CD82: variants seen among roughly 807,000 people sequenced by gnomAD.
CD82 encodes CD82 molecule.
CD82 carries 36 observed loss-of-function variants against 37.4 expected under a neutral mutation model. The ratio of observed to expected loss-of-function variants is 0.96; its 90% CI spans 0.74 to 1.27. CD82 has a LOEUF of 1.27. CD82 is among the 50% of genes most tolerant of loss of function. The pLI, the probability that CD82 is intolerant of heterozygous loss-of-function variation, is 0.00. For missense variants in CD82, 340 were observed against 347.0 expected (o/e 0.98, Z 0.16); for synonymous variants, 158 against 137.4 (o/e 1.15, Z -1.05).
chr11:44,617,118 A>AC (rs1278352778), intron 7 of CD82, among the ~76,000 whole-genome samples: 1 of 152,032 alleles, frequency 6.6e-6, no homozygotes, highest in Non-Finnish European at 1.5e-5. Context: ...CCAGGAACTG[A>AC]CCCCTGCTGT....
chr11:44,610,846 T>C (rs1467024639), intron 6 of CD82, among the ~76,000 whole-genome samples: 1 of 152,152 alleles, frequency 6.6e-6, no homozygotes, highest in Non-Finnish European at 1.5e-5. Context: ...TTTTTTCTTT[T>C]CTTTTTGAGA....
chr11:44,619,290 C>T lies in CD82; in HGVS notation c.*164C>T, dbSNP rs1480601311. ...TCTGGGGCCTAGCGATCTCTCCTGG[C>T]CTATCCGCTGCCAGCCTTGAGCCCT... On this transcript the variant is annotated 3_prime_UTR_variant, in exon 10 of 10. Transcript: ENST00000227155. 4.9e-6 allele frequency: 3 copies of T among 612,992 alleles called. No individual in the cohort carries two copies. Among genetic ancestry groups the T allele is most frequent in the South Asian group, 3.8e-5 (2 of 52,632 alleles). The allele number at this position is 612,992 out of a possible 1,614,324, so 38.0% of individuals were successfully genotyped here.
intron 6 of CD82, 31 bp downstream of exon 6, chr11:44,605,460 G>A: frequency 1.3e-6 from 2 of 1,598,434 alleles, no homozygotes; most frequent in Non-Finnish European, 1.7e-6. Context: ...CTCTTCACTG[G>A]GCTGGACCAA....
chr11:44,571,690 T>C (rs1246312662), intron 1 of CD82, among the ~76,000 whole-genome samples: 2 of 152,182 alleles, frequency 1.3e-5, no homozygotes, highest in African/African-American at 4.8e-5. Flanking sequence ...TTCTCGTGTC[T>C]CAGCCTCCTG....
chr11:44,572,364 C>T (rs1018067116), intron 1 of CD82, among the ~76,000 whole-genome samples: 1 of 152,174 alleles, frequency 6.6e-6, no homozygotes, highest in Admixed American at 6.5e-5. Flanking sequence ...ACAGTGAGCC[C>T]ATATTTTTTT....
At chr11:44,595,576 G>T (rs902288880) in intron 3 of CD82, among the ~76,000 whole-genome samples, 1 of 152,142 alleles carries the variant, frequency 6.6e-6, no homozygotes, top group African/African-American at 2.4e-5. Flanking sequence ...TCATTAAAAA[G>T]TGAGTATTTT....
intron 1 of CD82, among the ~76,000 whole-genome samples, chr11:44,576,537 C>T (rs753064924): frequency 6.6e-6 from 1 of 152,166 alleles, no homozygotes; most frequent in Non-Finnish European, 1.5e-5. Context: ...CACCCGCCAT[C>T]CACGCAGAGA....
At chr11:44,589,611 C>G (rs1853109887) in intron 2 of CD82, among the ~76,000 whole-genome samples, 1 of 152,210 alleles carries the variant, frequency 6.6e-6, no homozygotes, top group African/African-American at 2.4e-5. Context: ...CTCACTCCCT[C>G]TTTAGGACGG....
chr11:44,606,566 C>T (rs1853399956), intron 6 of CD82: 1 of 151,596 alleles, frequency 6.6e-6, no homozygotes, highest in Non-Finnish European at 1.5e-5. Flanking sequence ...GAGTATCCAA[C>T]TTTCAGACTC....
chr11:44,608,924 T>A (rs1339445208), intron 6 of CD82, among the ~76,000 whole-genome samples: 1 of 152,240 alleles, frequency 6.6e-6, no homozygotes, highest in African/African-American at 2.4e-5. Context: ...GGGAAGGGCG[T>A]CGTGCGGCAC....
chr11:44,619,354 T>C lies in CD82; in HGVS notation c.*228T>C. 1.8e-6 allele frequency: 1 copy of C among 548,250 alleles called. No individual in the cohort carries two copies. The highest frequency in any genetic ancestry group is 3.3e-6 in the Non-Finnish European group (1 of 306,066). 34.0% of individuals were successfully genotyped at this position (548,250 alleles called of 1,614,324 possible). ...TTCCTCTGCTCACCGCCCATCAGGG[T>C]TCTCTTAGCAACTCAGAGAAAAATG... On this transcript the variant is annotated 3_prime_UTR_variant, in exon 10 of 10. Coordinates refer to ENST00000227155, the MANE Select transcript of CD82 (RefSeq NM_002231.4).
At chr11:44,598,998 G>T (rs1853269683) in intron 3 of CD82, among the ~76,000 whole-genome samples, 1 of 152,244 alleles carries the variant, frequency 6.6e-6, no homozygotes, top group African/African-American at 2.4e-5. Context: ...TGCCCAGATG[G>T]CAGGCACTTC....
rs1853075216 is a variant in CD82 at position 44,587,565 on chromosome 11, T to C, written c.-21+9T>C. On this transcript the variant is annotated intron_variant, in intron 2 of 9. Coordinates refer to ENST00000227155, the MANE Select transcript of CD82 (RefSeq NM_002231.4). ...CACTGGTTTCGTGGAAGGTAAGTCC[T>C]GGGCTGAGAGGAGTGGTGGGTTGGA... The C allele has an allele frequency of 2.2e-6, 1 of 456,230 alleles. No individual in the cohort carries two copies. The highest frequency in any genetic ancestry group is 2.0e-5 in the African/African-American group (1 of 50,084). 28.3% of individuals were successfully genotyped at this position (456,230 alleles called of 1,614,324 possible). A position where few individuals can be genotyped will look rare whatever the true frequency, so the allele number is the denominator to read the frequency against.
In CD82 at chr11:44,618,382, G is replaced by C. The variant is rs2303862; in HGVS notation, c.642+17G>C. 1.2e-6 allele frequency: 2 copies of C among 1,607,070 alleles called. No homozygotes were observed. The highest frequency in any genetic ancestry group is 1.7e-6 in the Non-Finnish European group (2 of 1,176,656). On this transcript the variant is annotated intron_variant, in intron 8 of 9. Coordinates refer to ENST00000227155, the MANE Select transcript of CD82 (RefSeq NM_002231.4). Reference sequence around the variant, plus strand: ...TACCAGGAGGTGTGCGGGGGGCTGCGGATCGGGGGCGGGGCTCCGAGGGCG... The same window carrying C: ...TACCAGGAGGTGTGCGGGGGGCTGCCGATCGGGGGCGGGGCTCCGAGGGCG...
chr11:44,579,819 G>A (rs1266709636), intron 1 of CD82, among the ~76,000 whole-genome samples: 1 of 152,216 alleles, frequency 6.6e-6, no homozygotes, highest in East Asian at 1.9e-4. Context: ...GGGTCTCTCA[G>A]GGCCACCCCT....
rs569258155 is a variant in CD82, at chr11:44,598,992, C to A, written c.64-1166C>A. ...TCCAAAGGGAACCTGCATCTTTGCCCAGATGGCAGGCACTTCCCCAGCCTT... is the reference window on the plus strand; with the variant it reads ...TCCAAAGGGAACCTGCATCTTTGCCAAGATGGCAGGCACTTCCCCAGCCTT... On this transcript the variant is annotated intron_variant, in intron 3 of 9. Coordinates refer to ENST00000227155, the MANE Select transcript of CD82 (RefSeq NM_002231.4). 6.8e-4 allele frequency among the ~76,000 whole-genome samples: 104 copies of A among 152,364 alleles called. 2 individuals are homozygous for A. Among genetic ancestry groups the A allele is most frequent in the Admixed American group, 4.3e-3 (66 of 15,310 alleles).
At chr11:44,589,630 T>C (rs1853110314) in intron 2 of CD82, among the ~76,000 whole-genome samples, 1 of 152,200 alleles carries the variant, frequency 6.6e-6, no homozygotes, top group African/African-American at 2.4e-5. Context: ...GGGAGTCCAG[T>C]TGGGAGTTCC....
chr11:44,607,881 C>T (rs943604763), intron 6 of CD82: 1 of 152,186 alleles, frequency 6.6e-6, no homozygotes, highest in Non-Finnish European at 1.5e-5. Context: ...GGTGTCCTAT[C>T]AGCCCCAGAA....
intron 6 of CD82, 27 bp downstream of exon 6, chr11:44,605,456 A>C: frequency 3.1e-6 from 5 of 1,598,378 alleles, no homozygotes; most frequent in Non-Finnish European, 4.3e-6. Context: ...CTCCCTCTTC[A>C]CTGGGCTGGA....
Sources: allele counts gnomAD v4.1 joint callset (sites outside exome capture counted in the v4.1 genomes callset), GRCh38; gene constraint gnomAD v4.1.1; transcripts MANE v1.5; gene names NCBI Gene and HGNC (gene_info 2026-07-23, HGNC 2026-07-21).